Variants in EPHA6 observed in about 807,000 individuals in gnomAD.
EPHA6 encodes ephrin type-A receptor 6.
A neutral mutation model predicts 112.0 loss-of-function variants in EPHA6; 50 were observed. That is an observed-to-expected ratio of 0.45 (90% CI 0.36 to 0.56). The LOEUF (loss-of-function observed/expected upper bound fraction) is 0.56. EPHA6 is among the 20% of genes least tolerant of loss of function. The pLI is 0.00. For synonymous variants in EPHA6, 529 were observed against 490.7 expected, an observed-to-expected ratio of 1.08 and a Z score of -1.03; for missense variants, 1,280 against 1,417.4, an observed-to-expected ratio of 0.90 and a Z score of 1.56.
In EPHA6 at chr3:97,737,039, C is replaced by T. The variant is rs141579662; in HGVS notation, c.3128+921C>T. Among the ~76,000 whole-genome samples the T allele has an allele frequency of 3.9e-3, 597 of 152,060 alleles. 3 individuals are homozygous for T. Among genetic ancestry groups the T allele is most frequent in the African/African-American group, 0.014 (566 of 41,484 alleles). On this transcript the variant is annotated intron_variant, in intron 16 of 17. Transcript: ENST00000389672. ...ACTATTTGAAACAGACCTCAGTTCA[C>T]AGCAGAGCACTTAAGAGTTCACCTC...
At chr3:97,379,242 G>A (rs958232871) in intron 5 of EPHA6, among the ~76,000 whole-genome samples, 17 of 152,198 alleles carry the variant, frequency 1.1e-4, no homozygotes, top group African/African-American at 4.1e-4. Flanking sequence ...GGACTCCCCA[G>A]CCATGTGGAA....
intron 5 of EPHA6, among the ~76,000 whole-genome samples, chr3:97,265,299 CG>C (rs1252610699): frequency 6.6e-6 from 1 of 152,158 alleles, no homozygotes; most frequent in Non-Finnish European, 1.5e-5. Flanking sequence ...TGCCTCCTGC[CG>C]TCCTCCATGG....
At chr3:96,935,687 A>G (rs575209977) in intron 2 of EPHA6, among the ~76,000 whole-genome samples, 74 of 147,946 alleles carry the variant, frequency 5.0e-4, no homozygotes, top group Admixed American at 1.5e-3. Context: ...CATTATATAT[A>G]CACACATTAT....
intron 14 of EPHA6, among the ~76,000 whole-genome samples, chr3:97,719,095 C>T (rs2034391207): frequency 8.2e-6 from 1 of 122,646 alleles, no homozygotes; most frequent in African/African-American, 2.9e-5. Flanking sequence ...CCCACCCCCC[C>T]CCCCACCCCC....
At chr3:96,984,549 A>G (rs1015063624) in intron 2 of EPHA6, among the ~76,000 whole-genome samples, 7 of 149,666 alleles carry the variant, frequency 4.7e-5, no homozygotes, top group Non-Finnish European at 1.0e-4. Context: ...CTCAAAATCC[A>G]TGCTGGGAGA....
intron 1 of EPHA6, among the ~76,000 whole-genome samples, chr3:96,844,415 T>C (rs1252573943): frequency 6.6e-6 from 1 of 152,028 alleles, no homozygotes; most frequent in East Asian, 1.9e-4. Flanking sequence ...TCTAAGTTAG[T>C]CACATTTAAA....
At chr3:97,034,089 C>A (rs1239116494) in intron 3 of EPHA6, among the ~76,000 whole-genome samples, 3 of 151,776 alleles carry the variant, frequency 2.0e-5, no homozygotes, top group Non-Finnish European at 4.4e-5. Flanking sequence ...AGTCTACAGT[C>A]TAATTGGGAA....
At chr3:97,710,837 T>C (rs1209431469) in intron 14 of EPHA6, among the ~76,000 whole-genome samples, 5 of 152,230 alleles carry the variant, frequency 3.3e-5, no homozygotes, top group Non-Finnish European at 1.5e-5. Flanking sequence ...TGGAGTACTA[T>C]TCAAGTTTTC....
intron 5 of EPHA6, among the ~76,000 whole-genome samples, chr3:97,373,099 G>C (rs2085151895): frequency 1.3e-5 from 2 of 151,998 alleles, no homozygotes; most frequent in African/African-American, 4.8e-5. Flanking sequence ...CAATATTTTT[G>C]TGATTTATAT....
chr3:96,921,534 C>A (rs1488919127), intron 2 of EPHA6, among the ~76,000 whole-genome samples: 1 of 151,188 alleles, frequency 6.6e-6, no homozygotes, highest in Non-Finnish European at 1.5e-5. Flanking sequence ...AAGATTATGA[C>A]ATAAATTAAT....
intron 5 of EPHA6, among the ~76,000 whole-genome samples, chr3:97,377,244 A>G (rs1481159434): frequency 6.6e-6 from 1 of 152,140 alleles, no homozygotes. Context: ...AAGTCTCATG[A>G]TATCTGATAG....
At chr3:97,279,554 G>T (rs1263969929) in intron 5 of EPHA6, among the ~76,000 whole-genome samples, 1 of 149,326 alleles carries the variant, frequency 6.7e-6, no homozygotes, top group African/African-American at 2.5e-5. Context: ...ATCAGGTAAG[G>T]CTTAAGCAAT....
At chr3:96,944,316 T>C (rs149168326) in intron 2 of EPHA6, among the ~76,000 whole-genome samples, 2 of 152,276 alleles carry the variant, frequency 1.3e-5, no homozygotes, top group East Asian at 1.9e-4. Context: ...GTATCACTTA[T>C]ATATTTCCCT....
At chr3:96,916,987 G>A (rs370613273) in intron 2 of EPHA6, among the ~76,000 whole-genome samples, 2 of 152,120 alleles carry the variant, frequency 1.3e-5, no homozygotes, top group African/African-American at 2.4e-5. Context: ...TGCTTTCAGT[G>A]GGCTGTAGTT....
At chr3:97,580,462 C>A (rs2093426985) in intron 11 of EPHA6, among the ~76,000 whole-genome samples, 2 of 152,308 alleles carry the variant, frequency 1.3e-5, no homozygotes, top group East Asian at 1.9e-4. Flanking sequence ...GTGAACAACA[C>A]CTGCTTGCTT....
chr3:96,977,384 G>C (rs753601024), intron 2 of EPHA6, among the ~76,000 whole-genome samples: 1 of 152,066 alleles, frequency 6.6e-6, no homozygotes, highest in Admixed American at 6.6e-5. Context: ...GGGTAAAAGG[G>C]GGGTGGATGA....
rs891218482 is a variant in EPHA6, at chr3:97,113,578, C to T, written c.1115-112686C>T. On this transcript the variant is annotated intron_variant, in intron 3 of 17. Coordinates refer to ENST00000389672, the MANE Select transcript of EPHA6 (RefSeq NM_001080448.3). ...CTTTGTGTCATCAGCAGGCAACACTCTTTGCAGCTGAAATAATGAAGGCCT... is the reference window on the plus strand; with the variant it reads ...CTTTGTGTCATCAGCAGGCAACACTTTTTGCAGCTGAAATAATGAAGGCCT... 5.3e-5 allele frequency among the ~76,000 whole-genome samples: 8 copies of T among 152,244 alleles called. No homozygotes were observed. The East Asian group carries it at 9.7e-4, about 18-fold the overall frequency.
Position 97,006,062 on chromosome 3 carries a change from A to G in EPHA6, c.1114+18069A>G, listed in dbSNP as rs376030974. The stretch of plus-strand genomic sequence containing the variant: ...TTTTGCATCAATGTTCATCAGGGAT[A>G]TTGGCCTGAAGTTTTCTCTTTTTGT... On this transcript the variant is annotated intron_variant, in intron 3 of 17. Coordinates refer to ENST00000389672, the MANE Select transcript of EPHA6 (RefSeq NM_001080448.3). Among the ~76,000 whole-genome samples the G allele has an allele frequency of 7.9e-5, 12 of 152,286 alleles. No homozygotes were observed. In the East Asian group the frequency reaches 1.5e-3, roughly 20 times the overall value.
chr3:96,950,249 G>A (rs1174468366), intron 2 of EPHA6, among the ~76,000 whole-genome samples: 1 of 151,988 alleles, frequency 6.6e-6, no homozygotes, highest in Non-Finnish European at 1.5e-5. Flanking sequence ...ACCTATTAGA[G>A]GTTCTCTCAT....
Sources: gnomAD v4.1 joint callset for allele counts (sites outside exome capture counted in the v4.1 genomes callset) on GRCh38, gnomAD v4.1.1 for gene constraint, MANE v1.5 for transcripts, NCBI Gene and HGNC (gene_info 2026-07-23, HGNC 2026-07-21) for gene names.